ENPP2: variants seen among roughly 807,000 people sequenced by gnomAD.
ENPP2 encodes the protein ectonucleotide pyrophosphatase/phosphodiesterase 2.
A neutral mutation model predicts 120.2 loss-of-function variants in ENPP2; 51 were observed. The observed-to-expected ratio is 0.42, with a 90% CI of 0.34 to 0.54. ENPP2 has a LOEUF of 0.54. Among genes scored for constraint, ENPP2 ranks in the 20% least tolerant of loss-of-function variants. The pLI is 0.04. For missense variants in ENPP2, 920 were observed against 1,066.5 expected, an observed-to-expected ratio of 0.86 and a Z score of 1.91; for synonymous variants, 365 against 366.4, an observed-to-expected ratio of 1.00 and a Z score of 0.04.
chr8:119,620,822 C>T (rs1165089632), intron 4 of ENPP2, among the ~76,000 whole-genome samples: 4 of 152,222 alleles, frequency 2.6e-5, no homozygotes, highest in African/African-American at 7.2e-5. Flanking sequence ...GCCCCCTCAT[C>T]CCCTTTACCA....
chr8:119,609,027 C>T (rs909359917), intron 8 of ENPP2, among the ~76,000 whole-genome samples: 5 of 152,096 alleles, frequency 3.3e-5, no homozygotes, highest in African/African-American at 1.2e-4. Context: ...TGTGGTTTGC[C>T]TAAGACCAAA....
chr8:119,659,185 C>T (rs982017365), intron 1 of ENPP2, among the ~76,000 whole-genome samples: 1 of 151,930 alleles, frequency 6.6e-6, no homozygotes, highest in Non-Finnish European at 1.5e-5. Flanking sequence ...GATGTGGTAG[C>T]GTGCACCTGT....
intron 3 of ENPP2, among the ~76,000 whole-genome samples, chr8:119,622,611 C>G (rs1815982503): frequency 6.6e-6 from 1 of 152,184 alleles, no homozygotes; most frequent in Admixed American, 6.5e-5. Context: ...TCTCTTCGCT[C>G]TTCTATTTCC....
At chr8:119,638,241 C>G (rs1416776857) in intron 2 of ENPP2, among the ~76,000 whole-genome samples, 184 bp downstream of exon 2, 5 of 152,166 alleles carry the variant, frequency 3.3e-5, no homozygotes, top group African/African-American at 1.2e-4. Flanking sequence ...TAAATGTTCT[C>G]TAATGAAAAC....
chr8:119,623,241 G>C (rs769854185), intron 3 of ENPP2, among the ~76,000 whole-genome samples: 11 of 152,032 alleles, frequency 7.2e-5, no homozygotes, highest in Non-Finnish European at 1.2e-4. Flanking sequence ...CGAGGCAGGT[G>C]GATCGTGAGG....
At chr8:119,567,024 G>A (rs1414554514) in intron 22 of ENPP2, among the ~76,000 whole-genome samples, 10 of 152,076 alleles carry the variant, frequency 6.6e-5, no homozygotes, top group African/African-American at 2.2e-4. Context: ...GCGGAGGCCC[G>A]CCACTGTAGC....
chr8:119,645,049 G>A (rs533022784), intron 1 of ENPP2, among the ~76,000 whole-genome samples: 13 of 152,160 alleles, frequency 8.5e-5, no homozygotes, highest in South Asian at 4.2e-4. Flanking sequence ...TAGGGTTGAC[G>A]ACTCCCATAT....
intron 9 of ENPP2, among the ~76,000 whole-genome samples, chr8:119,604,000 C>G (rs1814502387): frequency 6.8e-6 from 1 of 146,306 alleles, no homozygotes; most frequent in Non-Finnish European, 1.5e-5. Flanking sequence ...GTTCTAACCT[C>G]TCAATCTCTC....
intron 1 of ENPP2, among the ~76,000 whole-genome samples, chr8:119,662,201 T>C (rs1267440045): frequency 1.3e-5 from 2 of 152,146 alleles, no homozygotes; most frequent in Non-Finnish European, 1.5e-5. Flanking sequence ...TCACCAATGA[T>C]AAGGATGTGA....
chr8:119,643,285 G>A (rs979753108), upstream of ENPP2, among the ~76,000 whole-genome samples: 3 of 152,150 alleles, frequency 2.0e-5, no homozygotes, highest in Non-Finnish European at 4.4e-5. Context: ...ATGGCTAATA[G>A]AGGAACAAGC....
At chr8:119,615,879 T>C (rs1489489212) in intron 8 of ENPP2, among the ~76,000 whole-genome samples, 1 of 152,140 alleles carries the variant, frequency 6.6e-6, no homozygotes, top group Non-Finnish European at 1.5e-5. Context: ...GTCACCACCA[T>C]AATCCTAGGG....
intron 19 of ENPP2, 103 bp from the exon 20 acceptor site, chr8:119,570,944 CTTA>C (rs2130103786): frequency 1.5e-6 from 1 of 674,270 alleles, no homozygotes; most frequent in African/African-American, 1.9e-5. Flanking sequence ...GGCTAGCTTA[CTTA>C]TTATTAATAT....
In ENPP2 at chr8:119,616,382, C is replaced by T. The variant is rs1311468020; in HGVS notation, c.660G>A (p.Gly220=). Residue 220 remains glycine (G), a splice_region_variant and synonymous_variant, in exon 8 of 25, where the codon GGG becomes GGA. Coordinates refer to ENST00000075322, the MANE Select transcript of ENPP2 (RefSeq NM_001040092.3). Reference sequence around the variant, plus strand: ...CAATTCCATGTGATTCTGGATATAGCCCCTTTTTGTAAAAGCAAATTTATT... The same window carrying T: ...CAATTCCATGTGATTCTGGATATAGTCCCTTTTTGTAAAAGCAAATTTATT... ...TFPNLYTLAT[G]LYPESHGIVG... The T allele has an allele frequency of 3.1e-6, 5 of 1,590,196 alleles. No individual in the cohort carries two copies. The African/African-American group carries it at 4.0e-5, about 13-fold the overall frequency.
At chr8:119,647,335 C>T (rs1817500519) in intron 1 of ENPP2, among the ~76,000 whole-genome samples, 1 of 152,112 alleles carries the variant, frequency 6.6e-6, no homozygotes, top group East Asian at 1.9e-4. Flanking sequence ...CCCTTTTGAT[C>T]TCTCCAAATG....
chr8:119,644,931 A>T (rs1262394590), intron 1 of ENPP2, among the ~76,000 whole-genome samples: 1 of 152,012 alleles, frequency 6.6e-6, no homozygotes, highest in Non-Finnish European at 1.5e-5. Context: ...AAACCACATG[A>T]AGGTTTTCAT....
chr8:119,654,135 G>A (rs1043472456), intron 1 of ENPP2, among the ~76,000 whole-genome samples: 1 of 141,282 alleles, frequency 7.1e-6, no homozygotes, highest in African/African-American at 2.6e-5. Flanking sequence ...ATTATATACA[G>A]AGATATAATA....
intron 9 of ENPP2, among the ~76,000 whole-genome samples, chr8:119,603,251 C>A (rs183534797): frequency 6.6e-6 from 1 of 151,832 alleles, no homozygotes; most frequent in African/African-American, 2.4e-5. Context: ...AATGCCAGAG[C>A]CTTTTCATTA....
chr8:119,634,552 A>C (rs941532433), intron 2 of ENPP2, among the ~76,000 whole-genome samples: 176 of 152,260 alleles, frequency 1.2e-3, no homozygotes, highest in African/African-American at 3.8e-3. Context: ...ATTTTCAAAA[A>C]CTTTTTCAGA....
At chr8:119,650,755 G>A (rs966667860) in intron 1 of ENPP2, among the ~76,000 whole-genome samples, 4 of 152,154 alleles carry the variant, frequency 2.6e-5, no homozygotes, top group Admixed American at 6.5e-5. Flanking sequence ...TAGAAGAACT[G>A]GGAGTTTGTC....
Sources: allele counts gnomAD v4.1 joint callset (sites outside exome capture counted in the v4.1 genomes callset), GRCh38; gene constraint gnomAD v4.1.1; transcripts MANE v1.5; gene names NCBI Gene and HGNC (gene_info 2026-07-23, HGNC 2026-07-21).